PLA2G2C: variants seen among roughly 807,000 people sequenced by gnomAD.
PLA2G2C encodes phospholipase A2 group IIC.
A neutral mutation model predicts 14.3 loss-of-function variants in PLA2G2C; 15 were observed. The observed-to-expected ratio is 1.05, with a 90% CI of 0.70 to 1.62. PLA2G2C has a LOEUF of 1.62. Among genes scored for constraint, PLA2G2C ranks in the 40% most tolerant of loss-of-function variants. The pLI is 0.00. For missense variants in PLA2G2C, 162 were observed against 173.2 expected, an observed-to-expected ratio of 0.94 and a Z score of 0.36; for synonymous variants, 79 against 67.7, an observed-to-expected ratio of 1.17 and a Z score of -0.82.
intron 4 of PLA2G2C, among the ~76,000 whole-genome samples, chr1:20,166,981 T>C (rs1420429564): frequency 1.3e-5 from 2 of 152,168 alleles, no homozygotes; most frequent in African/African-American, 4.8e-5. Flanking sequence ...TAACTCCAGA[T>C]CTTGCATCTT....
Position 20,173,243 on chromosome 1 carries a change from G to A in PLA2G2C, c.180-346C>T, listed in dbSNP as rs918811731. Among the ~76,000 whole-genome samples the A allele has an allele frequency of 7.2e-5, 11 of 151,896 alleles. 1 individual carries two copies. In the South Asian group the frequency reaches 1.3e-3, roughly 17 times the overall value. ...AAGTGGGTGGATTGCTTGAGCTCAG[G>A]TGACGGAGGCTGCAGTGAGCTCTGA... On this transcript the variant is annotated intron_variant, in intron 3 of 4. Coordinates refer to ENST00000679259, the MANE Select transcript of PLA2G2C (RefSeq NM_001367969.2).
intron 3 of PLA2G2C, among the ~76,000 whole-genome samples, chr1:20,174,230 G>A (rs1323972927): frequency 6.6e-6 from 1 of 152,096 alleles, no homozygotes; most frequent in African/African-American, 2.4e-5. Context: ...CCCCACTGTG[G>A]GGACATGTTT....
chr1:20,183,472 C>G (rs1448234251), intron 1 of PLA2G2C, among the ~76,000 whole-genome samples: 1 of 152,176 alleles, frequency 6.6e-6, no homozygotes, highest in African/African-American at 2.4e-5. Context: ...TGCTCTGCTG[C>G]TCCTTCACCA....
At position 20,170,694 on chromosome 1, in the gene PLA2G2C, T is replaced by C. The variant is rs940711728; in HGVS notation, c.283+2100A>G. On this transcript the variant is annotated intron_variant, in intron 4 of 4. Transcript: ENST00000679259. ...CCTGGTCCTCACGGGCTGGGTCAGC[T>C]GAGGAGGCGGGTGCTGATGCCCTGG... is the stretch of plus-strand genomic sequence containing the variant. Among the ~76,000 whole-genome samples the C allele has an allele frequency of 1.7e-4, 24 of 143,780 alleles. 1 individual carries two copies. The highest frequency in any genetic ancestry group is 6.3e-4 in the African/African-American group (24 of 38,150). The allele number at this position is 143,780 out of a possible 152,430, so 94.3% of individuals were successfully genotyped here.
At chr1:20,176,499 G>A (rs897875486) in intron 2 of PLA2G2C, among the ~76,000 whole-genome samples, 2 of 152,192 alleles carry the variant, frequency 1.3e-5, no homozygotes, top group African/African-American at 2.4e-5. Context: ...AGGTGCCTTC[G>A]ATCTCACTAT....
chr1:20,171,993 G>C (rs2018086791), intron 4 of PLA2G2C, among the ~76,000 whole-genome samples: 1 of 151,620 alleles, frequency 6.6e-6, no homozygotes, highest in East Asian at 1.9e-4. Context: ...TCGATCTCCT[G>C]ACCTCGTGAT....
chr1:20,177,672 T>C (rs1191454263), intron 1 of PLA2G2C, among the ~76,000 whole-genome samples: 1 of 152,156 alleles, frequency 6.6e-6, no homozygotes, highest in African/African-American at 2.4e-5. Flanking sequence ...CAAATTTCTT[T>C]CTTTGGCAAC....
In PLA2G2C at chr1:20,172,201, G is replaced by A. The variant is rs1005730437; in HGVS notation, c.283+593C>T. Among the ~76,000 whole-genome samples the A allele has an allele frequency of 2.6e-5, 4 of 152,138 alleles. No homozygotes were observed. In the South Asian group the frequency reaches 8.3e-4, roughly 31 times the overall value. On this transcript the variant is annotated intron_variant, in intron 4 of 4. Coordinates refer to ENST00000679259, the MANE Select transcript of PLA2G2C (RefSeq NM_001367969.2). ...CAAATGTGCCTGCTGTCTAGGCCAGGATTGCCCTGCACATACCCATACCCT... is the reference window on the plus strand; with the variant it reads ...CAAATGTGCCTGCTGTCTAGGCCAGAATTGCCCTGCACATACCCATACCCT...
intron 2 of PLA2G2C, 145 bp downstream of exon 2, chr1:20,177,179 G>A (rs1332497716): frequency 5.9e-5 from 40 of 679,574 alleles, no homozygotes; most frequent in South Asian, 4.7e-5. Context: ...GCAAGAGGAC[G>A]TTGGTGGGAG....
intron 4 of PLA2G2C, among the ~76,000 whole-genome samples, chr1:20,165,168 G>C (rs1235565203): frequency 6.6e-6 from 1 of 152,194 alleles, no homozygotes; most frequent in Admixed American, 6.5e-5. Flanking sequence ...TCATGTCACA[G>C]GTCTTGCTCT....
chr1:20,164,952 C>A (rs536344583), intron 4 of PLA2G2C, among the ~76,000 whole-genome samples: 1 of 152,354 alleles, frequency 6.6e-6, no homozygotes, highest in South Asian at 2.1e-4. Context: ...TAAGCAGGGA[C>A]CTTCTCAAAC....
At chr1:20,182,688 T>C (rs1557790692) in intron 1 of PLA2G2C, among the ~76,000 whole-genome samples, 1 of 152,260 alleles carries the variant, frequency 6.6e-6, no homozygotes, top group Non-Finnish European at 1.5e-5. Flanking sequence ...TTGGCCTTGC[T>C]ACTAGAATAT....
intron 1 of PLA2G2C, among the ~76,000 whole-genome samples, chr1:20,178,630 TA>T (rs1197262299): frequency 2.0e-5 from 3 of 152,022 alleles, no homozygotes; most frequent in Admixed American, 1.3e-4. Context: ...CTTTTGAGTC[TA>T]AAAAAAATCA....
At position 20,175,532 on chromosome 1, in the gene PLA2G2C, G is replaced by T. The variant is rs138624811; in HGVS notation, c.41-387C>A. Among the ~76,000 whole-genome samples the T allele has an allele frequency of 9.1e-3, 1,387 of 152,274 alleles. 13 individuals are homozygous for T. Among genetic ancestry groups the T allele is most frequent in the Non-Finnish European group, 0.012 (828 of 68,010 alleles). ...CGCCAGTCCCTCCAGATGTCATCAG[G>T]CCTTTACTATCTCACAGGAGAAACA... On this transcript the variant is annotated intron_variant, in intron 2 of 4. Transcript: ENST00000679259.
At position 20,164,362 on chromosome 1, in the gene PLA2G2C, C is replaced by G. The variant is rs113893950; in HGVS notation, c.284-205G>C. The stretch of plus-strand genomic sequence containing the variant: ...TGCGTGCATATGCATTTGTGTGCAT[C>G]TGCGTGCATTTGTGTGTGTGTATGG... On this transcript the variant is annotated intron_variant, in intron 4 of 4. Coordinates refer to ENST00000679259, the MANE Select transcript of PLA2G2C (RefSeq NM_001367969.2). Among the ~76,000 whole-genome samples, 372 of 152,080 alleles carry G rather than the reference C, an allele frequency of 2.4e-3. 1 individual carries two copies. The highest frequency in any genetic ancestry group is 7.2e-3 in the African/African-American group (298 of 41,482).
intron 2 of PLA2G2C, 43 bp from the exon 3 acceptor site, chr1:20,175,188 T>C (rs2018161493): frequency 4.3e-6 from 7 of 1,613,616 alleles, no homozygotes; most frequent in Non-Finnish European, 5.9e-6. Flanking sequence ...GAAGTTGCAA[T>C]GAGCATGATG....
chr1:20,173,252 G>A (rs576988393), intron 3 of PLA2G2C, among the ~76,000 whole-genome samples: 1 of 152,010 alleles, frequency 6.6e-6, no homozygotes, highest in South Asian at 2.1e-4. Context: ...GGTGACGGAG[G>A]CTGCAGTGAG....
chr1:20,165,810 C>T (rs912553287), intron 4 of PLA2G2C, among the ~76,000 whole-genome samples: 3 of 150,986 alleles, frequency 2.0e-5, no homozygotes, highest in East Asian at 1.9e-4. Context: ...TGTGTTTGTG[C>T]GTGTGTGTGT....
At position 20,164,069 on chromosome 1, in the gene PLA2G2C, C is replaced by G. The variant is rs1279894997; in HGVS notation, c.372G>C (p.Glu124Asp). ...CDKQSVHCFKESLPTYEKNFK... is the reference protein window; with the variant it reads ...CDKQSVHCFKDSLPTYEKNFK... Reference sequence around the variant, plus strand: ...AGTTTTTCTCATAGGTGGGCAGGCTCTCTTTGAAGCAGTGCACGGATTGCT... The same window carrying G: ...AGTTTTTCTCATAGGTGGGCAGGCTGTCTTTGAAGCAGTGCACGGATTGCT... Residue 124 changes from glutamate to aspartate, a missense_variant, in exon 5 of 5, where the codon GAG (glutamate) becomes GAC (aspartate). By Grantham distance (45) the Glu-to-Asp change is conservative. Coordinates refer to ENST00000679259, the MANE Select transcript of PLA2G2C (RefSeq NM_001367969.2). The G allele has an allele frequency of 5.6e-6, 9 of 1,613,876 alleles. No homozygotes were observed. Among genetic ancestry groups the G allele is most frequent in the Non-Finnish European group, 7.6e-6 (9 of 1,179,852 alleles).
Sources: allele counts gnomAD v4.1 joint callset (sites outside exome capture counted in the v4.1 genomes callset), GRCh38; gene constraint gnomAD v4.1.1; transcripts MANE v1.5; gene names NCBI Gene and HGNC (gene_info 2026-07-23, HGNC 2026-07-21).